ARSB: variants seen among roughly 807,000 people sequenced by gnomAD.
ARSB encodes N-acetylgalactosamine-4-sulfatase.
A neutral mutation model predicts 50.9 loss-of-function variants in ARSB; 41 were observed. That is an observed-to-expected ratio of 0.81 (90% CI 0.63 to 1.04). ARSB has a LOEUF of 1.04. Ranked by LOEUF, ARSB falls within the 50% of genes least tolerant of loss-of-function variation. The probability of loss-of-function intolerance (pLI) is 0.00; values close to 1 mark genes in which losing one functional copy is unlikely to be tolerated. For missense variants in ARSB, 672 were observed against 693.3 expected (o/e 0.97, Z 0.35); for synonymous variants, 269 against 284.8 (o/e 0.94, Z 0.56).
intron 1 of ARSB, among the ~76,000 whole-genome samples, chr5:78,973,342 C>T (rs1752538559): frequency 6.6e-6 from 1 of 152,166 alleles, no homozygotes. Flanking sequence ...CAAATCTTCT[C>T]TCAAAAAACA....
At chr5:78,858,043 T>C (rs942231556) in intron 5 of ARSB, among the ~76,000 whole-genome samples, 2 of 152,206 alleles carry the variant, frequency 1.3e-5, no homozygotes, top group East Asian at 3.9e-4. Context: ...ATCATGTGGT[T>C]GAGCAGGTGA....
chr5:78,870,764 A>T (rs1747106732), intron 5 of ARSB, among the ~76,000 whole-genome samples: 1 of 150,656 alleles, frequency 6.6e-6, no homozygotes, highest in South Asian at 2.1e-4. Flanking sequence ...CAAGACAGGG[A>T]TGCCCTCTCT....
At chr5:78,803,857 A>G (rs1019771040) in intron 6 of ARSB, among the ~76,000 whole-genome samples, 2 of 152,234 alleles carry the variant, frequency 1.3e-5, no homozygotes, top group Non-Finnish European at 2.9e-5. Context: ...ATCCCATTTG[A>G]TGGTTATTTA....
chr5:78,873,204 AT>A (rs1483946750), intron 5 of ARSB, among the ~76,000 whole-genome samples: 1 of 152,210 alleles, frequency 6.6e-6, no homozygotes, highest in Non-Finnish European at 1.5e-5. Flanking sequence ...TGATTCAGAA[AT>A]TGTAAAACTC....
intron 1 of ARSB, among the ~76,000 whole-genome samples, chr5:78,980,665 T>TA (rs1683002042): frequency 6.6e-6 from 1 of 151,930 alleles, no homozygotes; most frequent in East Asian, 1.9e-4. Flanking sequence ...AAATGATATA[T>TA]AAAAATATAT....
chr5:78,959,680 A>G (rs1167753564), intron 3 of ARSB, among the ~76,000 whole-genome samples: 3 of 152,216 alleles, frequency 2.0e-5, no homozygotes, highest in Non-Finnish European at 2.9e-5. Context: ...TTTCCATCCC[A>G]TACTACAAAA....
At chr5:78,861,555 T>C (rs1212779483) in intron 5 of ARSB, among the ~76,000 whole-genome samples, 1 of 152,230 alleles carries the variant, frequency 6.6e-6, no homozygotes, top group East Asian at 1.9e-4. Context: ...TTCGACAAAA[T>C]TCAACAATGC....
chr5:78,786,099 A>G (rs962093635), intron 6 of ARSB, among the ~76,000 whole-genome samples: 1 of 152,206 alleles, frequency 6.6e-6, no homozygotes, highest in African/African-American at 2.4e-5. Context: ...CATATTTTAG[A>G]ACATTTTTAT....
At chr5:78,930,422 A>G (rs1229720769) in intron 4 of ARSB, among the ~76,000 whole-genome samples, 2 of 145,488 alleles carry the variant, frequency 1.4e-5, no homozygotes, top group Non-Finnish European at 3.0e-5. Flanking sequence ...AAGTGTTCTG[A>G]GATGGAAACA....
chr5:78,947,585 T>C (rs1346816577), intron 4 of ARSB, among the ~76,000 whole-genome samples: 2 of 152,260 alleles, frequency 1.3e-5, no homozygotes, highest in Middle Eastern at 3.4e-3. Context: ...CAGTGAGATA[T>C]CCTCTCACCC....
intron 3 of ARSB, 127 bp downstream of exon 3, chr5:78,964,289 A>T: frequency 1.0e-6 from 1 of 960,774 alleles, no homozygotes; most frequent in African/African-American, 1.6e-5. Flanking sequence ...ATACTGTATA[A>T]TTTGAAAAGG....
At chr5:78,923,676 CAT>C (rs1396305792) in intron 4 of ARSB, among the ~76,000 whole-genome samples, 1 of 152,194 alleles carries the variant, frequency 6.6e-6, no homozygotes, top group Non-Finnish European at 1.5e-5. Context: ...AAAATGCTGC[CAT>C]TCAATAGTTT....
At chr5:78,795,263 T>C (rs959941264) in intron 6 of ARSB, among the ~76,000 whole-genome samples, 2 of 152,202 alleles carry the variant, frequency 1.3e-5, no homozygotes, top group African/African-American at 4.8e-5. Context: ...CCTTGGTTCA[T>C]CTTTGGGAGT....
At chr5:78,815,831 T>G (rs1743963125) in intron 6 of ARSB, 2 of 1,335,532 alleles carry the variant, frequency 1.5e-6, no homozygotes, top group Admixed American at 6.2e-5. Flanking sequence ...AATTCTCATC[T>G]TCAAAGATAT....
rs558078044 is a variant in ARSB, at chr5:78,911,529, G to A, written c.899-25702C>T. On this transcript the variant is annotated intron_variant, in intron 4 of 7. Coordinates refer to ENST00000264914, the MANE Select transcript of ARSB (RefSeq NM_000046.5). ...GCGGAGGTTGCAGTGAGCTCAGATC[G>A]CACAACTGCACTCCAGCCTGGGGAA... is the stretch of plus-strand genomic sequence containing the variant. Among the ~76,000 whole-genome samples the A allele has an allele frequency of 7.6e-5, 10 of 131,682 alleles. No homozygotes were observed. In the East Asian group the frequency reaches 9.6e-4, roughly 13 times the overall value. The allele number at this position is 131,682 out of a possible 152,430, so 86.4% of individuals were successfully genotyped here.
intron 6 of ARSB, among the ~76,000 whole-genome samples, chr5:78,785,077 C>T (rs539158870): frequency 9.9e-5 from 15 of 152,272 alleles, no homozygotes; most frequent in East Asian, 1.9e-4. Flanking sequence ...GGATTACAGG[C>T]GTGAGTCACC....
intron 4 of ARSB, among the ~76,000 whole-genome samples, chr5:78,912,245 C>T (rs1167899176): frequency 6.6e-6 from 1 of 152,186 alleles, no homozygotes; most frequent in Admixed American, 6.5e-5. Flanking sequence ...AGATGGCCTA[C>T]AGTGATGTTG....
chr5:78,893,872 C>A (rs80134675), intron 4 of ARSB, among the ~76,000 whole-genome samples: 4,254 of 152,322 alleles, frequency 0.028, 90 homozygotes, highest in Non-Finnish European at 0.045. Flanking sequence ...TCCTTTTTAA[C>A]AACTAAAACC....
At chr5:78,816,822 A>G (rs1452817383) in intron 6 of ARSB, among the ~76,000 whole-genome samples, 1 of 152,152 alleles carries the variant, frequency 6.6e-6, no homozygotes, top group African/African-American at 2.4e-5. Flanking sequence ...CAGTCCTACA[A>G]CCACAGCAAC....
Sources: allele counts gnomAD v4.1 joint callset (sites outside exome capture counted in the v4.1 genomes callset), GRCh38; gene constraint gnomAD v4.1.1; transcripts MANE v1.5; gene names NCBI Gene and HGNC (gene_info 2026-07-23, HGNC 2026-07-21).